Variants in SPIDR observed in about 807,000 individuals in gnomAD.
SPIDR encodes scaffold protein involved in DNA repair, also known as DNA repair-scaffolding protein.
Under a neutral mutation model 104.6 loss-of-function variants are expected in SPIDR, and 93 were observed. The observed-to-expected ratio is 0.89, with a 90% CI of 0.75 to 1.06. The LOEUF is 1.06. Among genes scored for constraint, SPIDR ranks in the 50% least tolerant of loss-of-function variants. SPIDR has a pLI of 0.00. For missense variants in SPIDR, 1,154 were observed against 1,111.2 expected (o/e 1.04, Z -0.55); for synonymous variants, 431 against 416.9 (o/e 1.03, Z -0.41).
intron 2 of SPIDR, among the ~76,000 whole-genome samples, chr8:47,282,068 A>G (rs2037905859): frequency 6.6e-6 from 1 of 152,230 alleles, no homozygotes; most frequent in Non-Finnish European, 1.5e-5. Flanking sequence ...AATAGTTTGA[A>G]AGAAATCTTT....
At chr8:47,443,010 T>C (rs992518497) in intron 8 of SPIDR, among the ~76,000 whole-genome samples, 30 of 152,104 alleles carry the variant, frequency 2.0e-4, no homozygotes, top group African/African-American at 7.2e-4. Context: ...TCAGGGAAGA[T>C]GTTTTAGAGG....
At chr8:47,691,290 C>CA (rs60147394) in intron 11 of SPIDR, among the ~76,000 whole-genome samples, 2,161 of 86,260 alleles carry the variant, frequency 0.025, 48 homozygotes, top group African/African-American at 0.082. Flanking sequence ...GACTCCGTCT[C>CA]AAAAAAAAAA....
chr8:47,669,393 GGT>G (rs562145525), intron 10 of SPIDR, among the ~76,000 whole-genome samples: 93 of 152,272 alleles, frequency 6.1e-4, no homozygotes, highest in African/African-American at 2.2e-3. Flanking sequence ...GAACCAGGGG[GGT>G]GATGACTCCA....
chr8:47,631,765 A>G (rs1040852659), intron 10 of SPIDR, among the ~76,000 whole-genome samples: 4 of 152,236 alleles, frequency 2.6e-5, no homozygotes, highest in Non-Finnish European at 5.9e-5. Context: ...TCCTTAATTT[A>G]TAATGAAATT....
At position 47,308,405 on chromosome 8, in the gene SPIDR, A is replaced by G. The variant is rs190431706; in HGVS notation, c.525+14375A>G. The stretch of plus-strand genomic sequence containing the variant: ...TTTTCTAATGTTACTGTTTTTGTTT[A>G]TTTTTATTGTTTGAGGCTTGTCTGT... On this transcript the variant is annotated intron_variant, in intron 5 of 19. Transcript: ENST00000297423. Among the ~76,000 whole-genome samples, 29 of 82,596 alleles carry G rather than the reference A, an allele frequency of 3.5e-4. 1 individual carries two copies. In the East Asian group the frequency reaches 8.9e-3, roughly 25 times the overall value. The allele number at this position is 82,596 out of a possible 152,430, so 54.2% of individuals were successfully genotyped here. A position where few individuals can be genotyped will look rare whatever the true frequency, so the allele number is the denominator to read the frequency against.
At chr8:47,328,584 G>A (rs2048106975) in intron 5 of SPIDR, among the ~76,000 whole-genome samples, 1 of 151,966 alleles carries the variant, frequency 6.6e-6, no homozygotes, top group South Asian at 2.1e-4. Flanking sequence ...TGGAAATCCG[G>A]TTGTCCCAGC....
chr8:47,511,814 T>C, intron 8 of SPIDR: 1 of 1,004,224 alleles, frequency 1.0e-6, no homozygotes, highest in South Asian at 1.3e-5. Context: ...CTTTTCTTTC[T>C]GGGAGGGCCA....
At chr8:47,619,592 C>A (rs900142772) in intron 10 of SPIDR, among the ~76,000 whole-genome samples, 1 of 151,210 alleles carries the variant, frequency 6.6e-6, no homozygotes, top group African/African-American at 2.4e-5. Flanking sequence ...ACATGATACT[C>A]TGAATATGCA....
At chr8:47,367,461 G>A (rs1189563210) in intron 5 of SPIDR, among the ~76,000 whole-genome samples, 2 of 152,168 alleles carry the variant, frequency 1.3e-5, no homozygotes, top group African/African-American at 2.4e-5. Context: ...TCTGGAGCTG[G>A]GAGCTAATAA....
At chr8:47,720,382 G>A (rs1048217362) in intron 16 of SPIDR, among the ~76,000 whole-genome samples, 16 of 152,178 alleles carry the variant, frequency 1.1e-4, no homozygotes, top group African/African-American at 3.1e-4. Context: ...TTTAGTTTTC[G>A]AAGTAACTGC....
At chr8:47,471,032 C>A (rs544752427) in intron 8 of SPIDR, among the ~76,000 whole-genome samples, 2 of 152,140 alleles carry the variant, frequency 1.3e-5, no homozygotes, top group African/African-American at 4.8e-5. Flanking sequence ...CCATGCCCGG[C>A]CGACTGAAAC....
At chr8:47,504,397 A>G (rs1586816185) in intron 8 of SPIDR, among the ~76,000 whole-genome samples, 1 of 151,862 alleles carries the variant, frequency 6.6e-6, no homozygotes, top group Admixed American at 6.6e-5. Context: ...ATCTTCTATC[A>G]CTGATACCCT....
chr8:47,353,357 G>A (rs956478198), intron 5 of SPIDR, among the ~76,000 whole-genome samples: 3 of 152,174 alleles, frequency 2.0e-5, no homozygotes, highest in Admixed American at 2.0e-4. Flanking sequence ...CAACGCGTGA[G>A]AGTGCTGAAC....
At chr8:47,260,928 G>T, upstream of SPIDR, 1 of 1,224,760 alleles carries the variant, frequency 8.2e-7, no homozygotes, top group Non-Finnish European at 1.0e-6. Context: ...GCGCGCTGAG[G>T]AGGCGGTGCG....
At chr8:47,613,780 A>G (rs539093807) in intron 10 of SPIDR, among the ~76,000 whole-genome samples, 4 of 152,272 alleles carry the variant, frequency 2.6e-5, no homozygotes, top group Admixed American at 2.6e-4. Context: ...TTGCATATCT[A>G]CTATGGAGAA....
chr8:47,531,422 G>A (rs1343497717), intron 8 of SPIDR, among the ~76,000 whole-genome samples: 1 of 152,168 alleles, frequency 6.6e-6, no homozygotes, highest in Non-Finnish European at 1.5e-5. Flanking sequence ...TTGAGGAGAT[G>A]TCATTCCTTT....
chr8:47,535,086 T>G (rs2086683058), intron 8 of SPIDR, among the ~76,000 whole-genome samples: 1 of 152,106 alleles, frequency 6.6e-6, no homozygotes, highest in African/African-American at 2.4e-5. Flanking sequence ...CTACCAAAAC[T>G]CGCACAAGGA....
At chr8:47,273,599 C>T (rs1284422597) in intron 1 of SPIDR, among the ~76,000 whole-genome samples, 1 of 146,910 alleles carries the variant, frequency 6.8e-6, no homozygotes, top group Non-Finnish European at 1.5e-5. Context: ...TTTAATTGTT[C>T]ATTTTTTTTT....
At chr8:47,349,990 G>A (rs1554621277) in intron 5 of SPIDR, among the ~76,000 whole-genome samples, 2 of 152,118 alleles carry the variant, frequency 1.3e-5, no homozygotes, top group Non-Finnish European at 2.9e-5. Flanking sequence ...TGTCCAGCCA[G>A]TCCCAGTGAG....
Sources: allele counts gnomAD v4.1 joint callset (sites outside exome capture counted in the v4.1 genomes callset), GRCh38; gene constraint gnomAD v4.1.1; transcripts MANE v1.5; gene names NCBI Gene and HGNC (gene_info 2026-07-23, HGNC 2026-07-21).